Variants in SMIM7 observed in about 807,000 individuals in gnomAD.
SMIM7 encodes the protein UPF0608 protein C19orf42.
In SMIM7, 12 loss-of-function variants were observed where a neutral mutation model predicts 13.3. The ratio of observed to expected loss-of-function variants is 0.90; its 90% confidence interval spans 0.58 to 1.46. The LOEUF (loss-of-function observed/expected upper bound fraction) is 1.46. SMIM7 is among the 40% of genes most tolerant of loss of function. The pLI is 0.00. For missense variants in SMIM7, 114 were observed against 94.8 expected (o/e 1.20, Z -0.84); for synonymous variants, 36 against 35.8 (o/e 1.01, Z -0.02).
downstream of SMIM7, among the ~76,000 whole-genome samples, chr19:16,642,621 G>A (rs188229172): frequency 9.3e-4 from 142 of 152,148 alleles, no homozygotes; most frequent in Non-Finnish European, 1.6e-3. Flanking sequence ...TGGGAGGTTC[G>A]TTGAGCCCAG....
At chr19:16,657,780 C>T (rs1394296743) in intron 3 of SMIM7, among the ~76,000 whole-genome samples, 1 of 152,292 alleles carries the variant, frequency 6.6e-6, no homozygotes, top group Non-Finnish European at 1.5e-5. Flanking sequence ...CCTGTGATCC[C>T]AGCACTTTGG....
At position 16,646,678 on chromosome 19, in the gene SMIM7, T is replaced by C. The variant is rs1448271395; in HGVS notation, c.*568A>G. 6.4e-6 allele frequency: 1 copy of C among 156,976 alleles called. No individual in the cohort carries two copies. Among genetic ancestry groups the C allele is most frequent in the Non-Finnish European group, 1.4e-5 (1 of 69,680 alleles). The allele number at this position is 156,976 out of a possible 1,614,324, so 9.7% of individuals were successfully genotyped here. A position where few individuals can be genotyped will look rare whatever the true frequency, so the allele number is the denominator to read the frequency against. ...TCTGTGGAAACACTTCACCAGGAAC[T>C]AGCTCAACACTCTTGCTAACAATTT... On this transcript the variant is annotated 3_prime_UTR_variant, in exon 5 of 5. Transcript: ENST00000487416.
chr19:16,644,102 GC>G (rs1371052751), downstream of SMIM7, among the ~76,000 whole-genome samples: 2 of 150,968 alleles, frequency 1.3e-5, no homozygotes, highest in African/African-American at 4.9e-5. Flanking sequence ...GGTTTACCAG[GC>G]TGGAAATTGT....
intron 4 of SMIM7, chr19:16,634,979 C>G (rs2122487581): frequency 6.6e-6 from 1 of 152,090 alleles, no homozygotes; most frequent in African/African-American, 2.4e-5. Context: ...CACTGGGCAC[C>G]CAAGCATGCA....
intron 4 of SMIM7, among the ~76,000 whole-genome samples, chr19:16,637,525 C>T (rs1205799999): frequency 1.3e-5 from 2 of 152,132 alleles, no homozygotes; most frequent in East Asian, 3.8e-4. Context: ...AATGTAGGCC[C>T]TTAGCCTGTA....
chr19:16,659,257 T>TGGA, intron 3 of SMIM7, 138 bp downstream of exon 3: 1 of 814,410 alleles, frequency 1.2e-6, no homozygotes, highest in Non-Finnish European at 1.9e-6. Flanking sequence ...CACTCCAACC[T>TGGA]GGACAACAGA....
At chr19:16,652,276 A>C (rs1162005482) in intron 4 of SMIM7, 1 of 152,512 alleles carries the variant, frequency 6.6e-6, no homozygotes, top group African/African-American at 2.4e-5. Flanking sequence ...ATCTCAGCTC[A>C]CTGCAACCTC....
chr19:16,632,017 G>T (rs934244496), intron 4 of SMIM7, among the ~76,000 whole-genome samples: 1 of 151,778 alleles, frequency 6.6e-6, no homozygotes, highest in Non-Finnish European at 1.5e-5. Context: ...CTACAGGCGG[G>T]TGCCACCACA....
chr19:16,631,365 G>A, exon 5 of SMIM7: 1 of 151,956 alleles, frequency 6.6e-6, no homozygotes, highest in Non-Finnish European at 1.5e-5. Flanking sequence ...CAGCCTGGGT[G>A]ACAGAGCGAG....
downstream of SMIM7, among the ~76,000 whole-genome samples, chr19:16,641,823 C>T (rs549862889): frequency 2.6e-5 from 4 of 152,254 alleles, no homozygotes; most frequent in East Asian, 1.9e-4. Context: ...AATAAGGGAT[C>T]GCCTGGCTCA....
At chr19:16,647,310 T>C in intron 4 of SMIM7, 49 bp from the exon 5 acceptor site, 1 of 1,610,034 alleles carries the variant, frequency 6.2e-7, no homozygotes, top group East Asian at 2.2e-5. Context: ...GAGGTGACTG[T>C]TCTAAAAATA....
At chr19:16,652,752 T>A in intron 4 of SMIM7, 5 of 1,459,538 alleles carry the variant, frequency 3.4e-6, no homozygotes, top group Non-Finnish European at 4.5e-6. Context: ...ACATTCGGAG[T>A]CTCAATCACT....
chr19:16,655,986 G>T (rs552764037), intron 3 of SMIM7, among the ~76,000 whole-genome samples: 1 of 152,126 alleles, frequency 6.6e-6, no homozygotes. Context: ...TTAAATGCTT[G>T]GTCTGTTTCC....
At chr19:16,631,138 A>G (rs934760508) in exon 5 of SMIM7, 1 of 152,258 alleles carries the variant, frequency 6.6e-6, no homozygotes, top group Non-Finnish European at 1.5e-5. Context: ...TAATCCCAGC[A>G]CTTTGGGAGG....
At chr19:16,643,029 C>T (rs1343590255), downstream of SMIM7, among the ~76,000 whole-genome samples, 7 of 151,968 alleles carry the variant, frequency 4.6e-5, no homozygotes, top group South Asian at 1.0e-3. Context: ...TCATCGAACT[C>T]CTGACCTCGT....
chr19:16,659,274 C>A, intron 3 of SMIM7, 121 bp downstream of exon 3: 1 of 895,808 alleles, frequency 1.1e-6, no homozygotes, highest in Non-Finnish European at 1.7e-6. Flanking sequence ...CAGAGCAAGA[C>A]CTTGTGTCAA....
chr19:16,653,099 G>A (rs773950202), intron 4 of SMIM7: 6 of 1,025,460 alleles, frequency 5.9e-6, no homozygotes, highest in Non-Finnish European at 8.3e-6. Flanking sequence ...AGATGCAGAA[G>A]AACTGGTGAG....
intron 4 of SMIM7, among the ~76,000 whole-genome samples, chr19:16,648,581 TCAGCAATAACC>T (rs1411936844): frequency 6.6e-6 from 1 of 152,154 alleles, no homozygotes; most frequent in African/African-American, 2.4e-5. Flanking sequence ...CCCTTATGGA[TCAGCAATAACC>T]CAATTTTTAA....
intron 2 of SMIM7, 26 bp downstream of exon 2, chr19:16,659,933 C>T (rs774907116): frequency 1.9e-6 from 3 of 1,602,126 alleles, no homozygotes; most frequent in Middle Eastern, 1.7e-4. Context: ...CCGGATGGAG[C>T]CGCAGTCCGG....
Sources: gnomAD v4.1 joint callset for allele counts (sites outside exome capture counted in the v4.1 genomes callset) on GRCh38, gnomAD v4.1.1 for gene constraint, MANE v1.5 for transcripts, NCBI Gene and HGNC (gene_info 2026-07-23, HGNC 2026-07-21) for gene names.